CSNK1D: variants seen among roughly 807,000 people sequenced by gnomAD.
CSNK1D encodes casein kinase 1 delta, also known as casein kinase I isoform delta.
CSNK1D carries 16 observed loss-of-function variants against 46.6 expected under a neutral mutation model. That is an observed-to-expected ratio of 0.34 (90% confidence interval 0.23 to 0.52). The LOEUF is 0.52. Among genes scored for constraint, CSNK1D ranks in the 20% least tolerant of loss-of-function variants. The pLI is 0.95. For synonymous variants in CSNK1D, 276 were observed against 228.2 expected (o/e 1.21, Z -1.89); for missense variants, 398 against 578.4 (o/e 0.69, Z 3.20).
In CSNK1D at chr17:82,265,756, A is replaced by T. The variant is rs1568582695; in HGVS notation, c.117T>A (p.Leu39=). 6.2e-7 allele frequency: 1 copy of T among 1,614,158 alleles called. No homozygotes were observed. Among genetic ancestry groups the T allele is most frequent in the African/African-American group, 1.3e-5 (1 of 75,024 alleles). Residue 39 remains leucine, a synonymous_variant, in exon 2 of 9, where the codon CTT becomes CTA. Transcript: ENST00000314028. ...GAGGGTGTTTGGTTTTGACACATTCAAGCTTGATGGCAACCTCTTCTCCTG... is the reference window on the plus strand; with the variant it reads ...GAGGGTGTTTGGTTTTGACACATTCTAGCTTGATGGCAACCTCTTCTCCTG... ...IAAGEEVAIK[L]ECVKTKHPQL... is the part of the protein sequence containing the mutation.
chr17:82,242,217 G>A (rs182689513), downstream of CSNK1D, among the ~76,000 whole-genome samples: 45 of 151,596 alleles, frequency 3.0e-4, no homozygotes, highest in Admixed American at 9.8e-4. Context: ...TGCTCTGGGG[G>A]GGGGGGGAAG....
intron 2 of CSNK1D, among the ~76,000 whole-genome samples, chr17:82,264,598 C>T (rs552490925): frequency 9.1e-4 from 139 of 152,120 alleles, no homozygotes; most frequent in Non-Finnish European, 1.5e-3. Context: ...TTGTTTTGCT[C>T]GGAGAAAACG....
In CSNK1D at chr17:82,251,155, C is replaced by T. The variant is rs923508927; in HGVS notation, c.885+224G>A. The stretch of plus-strand genomic sequence containing the variant: ...CTCCTGCTGTCCACACCCAGGAATT[C>T]CATGGACCCCTCTGCGTTCCCTAAT... On this transcript the variant is annotated intron_variant, in intron 6 of 8. Coordinates refer to ENST00000314028, the MANE Select transcript of CSNK1D (RefSeq NM_001893.6). The surrounding 1 kb of genome is among the most constrained non-coding windows in gnomAD (Gnocchi z 4.5). 1 of 553,382 alleles carries T rather than the reference C, an allele frequency of 1.8e-6. No homozygotes were observed. The highest frequency in any genetic ancestry group is 3.3e-6 in the Non-Finnish European group (1 of 306,930). The allele number at this position is 553,382 out of a possible 1,614,324, so 34.3% of individuals were successfully genotyped here.
rs1220770106 is a variant in CSNK1D, at chr17:82,243,299, C to T, written c.*1482G>A. 3 of 985,372 alleles carry T rather than the reference C, an allele frequency of 3.0e-6. No individual in the cohort carries two copies. The highest frequency in any genetic ancestry group is 3.6e-6 in the Non-Finnish European group (3 of 829,992). 61.0% of individuals were successfully genotyped at this position (985,372 alleles called of 1,614,324 possible). On this transcript the variant is annotated 3_prime_UTR_variant, in exon 9 of 9. Coordinates refer to ENST00000314028, the MANE Select transcript of CSNK1D (RefSeq NM_001893.6). Reference sequence around the variant, plus strand: ...TGCACACCTTCGAAGCCCTAGAGTCCAAAGGGAACATCGTCCATCGTGATG... The same window carrying T: ...TGCACACCTTCGAAGCCCTAGAGTCTAAAGGGAACATCGTCCATCGTGATG...
At position 82,250,142 on chromosome 17, in the gene CSNK1D, G is replaced by T; in HGVS notation, c.886-540C>A. 1.5e-6 allele frequency: 2 copies of T among 1,290,326 alleles called. No homozygotes were observed. The highest frequency in any genetic ancestry group is 2.0e-6 in the Non-Finnish European group (2 of 989,234). 79.9% of individuals were successfully genotyped at this position (1,290,326 alleles called of 1,614,324 possible). On this transcript the variant is annotated intron_variant, in intron 6 of 8. Coordinates refer to ENST00000314028, the MANE Select transcript of CSNK1D (RefSeq NM_001893.6). This position sits in a 1 kb window ranked among gnomAD's most constrained non-coding sequence, Gnocchi z 4.6. Reference sequence around the variant, plus strand: ...TCTGTGCTGCACTATCCAGATGCACGGGGGTGGGGAGGTCAGATTTTAAGC... The same window carrying T: ...TCTGTGCTGCACTATCCAGATGCACTGGGGTGGGGAGGTCAGATTTTAAGC...
In CSNK1D at chr17:82,251,804, C is replaced by A. The variant is rs1478187858; in HGVS notation, c.737-277G>T. On this transcript the variant is annotated intron_variant, in intron 5 of 8. Coordinates refer to ENST00000314028, the MANE Select transcript of CSNK1D (RefSeq NM_001893.6). This position sits in a 1 kb window ranked among gnomAD's most constrained non-coding sequence, Gnocchi z 4.5. ...AGGAGATCAAGACCATCCTGGCTAA[C>A]ACAGTGAAACCCCATCTCTACTGAA... The A allele has an allele frequency of 4.6e-6, 2 of 438,408 alleles. No individual in the cohort carries two copies. The highest frequency in any genetic ancestry group is 8.4e-6 in the Non-Finnish European group (2 of 237,316). 27.2% of individuals were successfully genotyped at this position (438,408 alleles called of 1,614,324 possible).
chr17:82,273,469 G>A lies in CSNK1D; in HGVS notation c.-88C>T. 2.6e-6 allele frequency: 4 copies of A among 1,524,772 alleles called. No homozygotes were observed. Among genetic ancestry groups the A allele is most frequent in the South Asian group, 1.2e-5 (1 of 86,060 alleles). The allele number at this position is 1,524,772 out of a possible 1,614,324, so 94.5% of individuals were successfully genotyped here. A position where few individuals can be genotyped will look rare whatever the true frequency, so the allele number is the denominator to read the frequency against. Reference sequence around the variant, plus strand: ...GCGGCGCCGCTGCTGCCGCTACTGCGGGTCCGGCTCCCGGCTCCGCCCCCC... The same window carrying A: ...GCGGCGCCGCTGCTGCCGCTACTGCAGGTCCGGCTCCCGGCTCCGCCCCCC... On this transcript the variant is annotated 5_prime_UTR_variant, in exon 1 of 9. Transcript: ENST00000314028. This position sits in a 1 kb window ranked among gnomAD's most constrained non-coding sequence, Gnocchi z 5.1.
At chr17:82,272,539 C>A (rs1186404673) in intron 1 of CSNK1D, among the ~76,000 whole-genome samples, 1 of 152,214 alleles carries the variant, frequency 6.6e-6, no homozygotes, top group Non-Finnish European at 1.5e-5. Flanking sequence ...TGCCTCTCAT[C>A]TTGCCAGCAT....
intron 1 of CSNK1D, chr17:82,267,001 A>G (rs1033271549): frequency 6.9e-6 from 1 of 144,770 alleles, no homozygotes; most frequent in African/African-American, 2.6e-5. Context: ...CGGAGCTTGC[A>G]GTGAGCCGAG....
rs1460261488 is a variant in CSNK1D, at chr17:82,248,870, C to A, written c.1197+5G>T. The A allele has an allele frequency of 6.2e-6, 10 of 1,608,814 alleles. No homozygotes were observed. The highest frequency in any genetic ancestry group is 8.5e-6 in the Non-Finnish European group (10 of 1,177,474). ...CCAGCGCCCGCCCGGGAGCTCTGCACCTACCTGTGAGGTGGACATGCGAGA... is the reference window on the plus strand; with the variant it reads ...CCAGCGCCCGCCCGGGAGCTCTGCAACTACCTGTGAGGTGGACATGCGAGA... On this transcript the variant is annotated splice_donor_5th_base_variant and intron_variant, in intron 8 of 8. Coordinates refer to ENST00000314028, the MANE Select transcript of CSNK1D (RefSeq NM_001893.6). This position sits in a 1 kb window ranked among gnomAD's most constrained non-coding sequence, Gnocchi z 4.1.
At chr17:82,247,398 A>C (rs1013097098) in intron 8 of CSNK1D, 2 of 985,300 alleles carry the variant, frequency 2.0e-6, no homozygotes, top group African/African-American at 3.5e-5. Context: ...GGACACCTTC[A>C]CTGCCCACAA....
At chr17:82,242,517 G>T (rs1469533625), downstream of CSNK1D, 16 of 379,836 alleles carry the variant, frequency 4.2e-5, no homozygotes, top group African/African-American at 1.4e-4. Context: ...GGCCCAGGGG[G>T]CAGCTCTCCT....
In CSNK1D at chr17:82,265,666, T is replaced by C; in HGVS notation, c.187+20A>G. On this transcript the variant is annotated intron_variant, in intron 2 of 8. Coordinates refer to ENST00000314028, the MANE Select transcript of CSNK1D (RefSeq NM_001893.6). Reference sequence around the variant, plus strand: ...GTCAAACAGAACCCTGGTGTTGCTCTGTGACTGGTAAAGACCTACCTCCTC... The same window carrying C: ...GTCAAACAGAACCCTGGTGTTGCTCCGTGACTGGTAAAGACCTACCTCCTC... 3 of 1,574,220 alleles carry C rather than the reference T, an allele frequency of 1.9e-6. No individual in the cohort carries two copies. The highest frequency in any genetic ancestry group is 1.7e-6 in the Non-Finnish European group (2 of 1,143,688).
chr17:82,245,308 C>T (rs2050822495), intron 8 of CSNK1D: 2 of 278,988 alleles, frequency 7.2e-6, no homozygotes, highest in South Asian at 7.4e-5. Flanking sequence ...CGCGCGTGGC[C>T]GCCGAGGAGG....
Position 82,249,635 on chromosome 17 carries a change from C to T in CSNK1D, c.886-33G>A, listed in dbSNP as rs375298164. On this transcript the variant is annotated intron_variant, in intron 6 of 8. Transcript: ENST00000314028. This position sits in a 1 kb window ranked among gnomAD's most constrained non-coding sequence, Gnocchi z 6.7. ...GGCAGGAGGTGAGGCCGGAATGGAA[C>T]CAGCTTTGGCAGAAAGCAACCCTAG... The T allele has an allele frequency of 2.8e-4, 436 of 1,552,510 alleles. No homozygotes were observed. The African/African-American group carries it at 5.3e-3, about 19-fold the overall frequency.
In CSNK1D at chr17:82,248,833, G is replaced by A. The variant is rs980364251; in HGVS notation, c.1197+42C>T. On this transcript the variant is annotated intron_variant, in intron 8 of 8. Transcript: ENST00000314028. The surrounding 1 kb of genome is among the most constrained non-coding windows in gnomAD (Gnocchi z 4.1). ...ACAGCCCGCTCTTGACTCGGACGGG[G>A]TAGCCCGAGGCCCAGCGCCCGCCCG... is the stretch of plus-strand genomic sequence containing the variant. The A allele has an allele frequency of 3.8e-5, 60 of 1,593,490 alleles. No individual in the cohort carries two copies. Among genetic ancestry groups the A allele is most frequent in the Non-Finnish European group, 4.9e-5 (57 of 1,169,760 alleles).
chr17:82,242,658 G>A, downstream of CSNK1D: 5 of 985,324 alleles, frequency 5.1e-6, no homozygotes, highest in Non-Finnish European at 4.8e-6. Flanking sequence ...CATGGAAAGG[G>A]GAGGGAAGAA....
rs771242927 is a variant in CSNK1D, at chr17:82,273,390, C to A, written c.-9G>T. The A allele has an allele frequency of 1.9e-5, 30 of 1,610,454 alleles. No homozygotes were observed. The East Asian group carries it at 6.0e-4, about 32-fold the overall frequency. On this transcript the variant is annotated 5_prime_UTR_variant, in exon 1 of 9. Coordinates refer to ENST00000314028, the MANE Select transcript of CSNK1D (RefSeq NM_001893.6). The surrounding 1 kb of genome is among the most constrained non-coding windows in gnomAD (Gnocchi z 5.1). ...CCGACTCTCAGCTCCATGGCGGCGG[C>A]GGCCCGATTCGCTCCTGCCCTCCCG...
chr17:82,244,849 C>CA lies in CSNK1D; in HGVS notation c.1198-19dup. The CA allele has an allele frequency of 6.2e-7, 1 of 1,613,598 alleles. No individual in the cohort carries two copies. On this transcript the variant is annotated intron_variant, in intron 8 of 8. Transcript: ENST00000314028. The stretch of plus-strand genomic sequence containing the variant: ...CCAGGAATCTGTCGGAGCCAAAGCA[C>CA]AGGAGAAGGTCAGCATGGGGCTGGG...
Sources: gnomAD v4.1 joint callset for allele counts (sites outside exome capture counted in the v4.1 genomes callset) on GRCh38, gnomAD v4.1.1 for gene constraint, Gnocchi (gnomAD v3.1) non-coding constraint, MANE v1.5 for transcripts, NCBI Gene and HGNC (gene_info 2026-07-23, HGNC 2026-07-21) for gene names.